The following XKR4 variants were observed in gnomAD, a reference collection of about 807,000 sequenced individuals.
XKR4 encodes XK-related protein 4.
In XKR4, 12 loss-of-function variants were observed where a neutral mutation model predicts 53.9. The observed-to-expected ratio is 0.22, with a 90% CI of 0.14 to 0.36. The LOEUF (loss-of-function observed/expected upper bound fraction) is 0.36, where lower values mean the gene tolerates loss of function less well. Among genes scored for constraint, XKR4 ranks in the 10% least tolerant of loss-of-function variants. XKR4 has a pLI of 1.00. For synonymous variants in XKR4, 354 were observed against 362.4 expected (o/e 0.98, Z 0.26); for missense variants, 799 against 859.5 (o/e 0.93, Z 0.88).
chr8:55,156,810 C>A (rs1448286408), intron 1 of XKR4, among the ~76,000 whole-genome samples: 1 of 152,210 alleles, frequency 6.6e-6, no homozygotes, highest in Non-Finnish European at 1.5e-5. Context: ...GACATGCCCC[C>A]TGGGCCAGCA....
intron 1 of XKR4, among the ~76,000 whole-genome samples, chr8:55,208,888 CA>C (rs1190718546): frequency 6.6e-6 from 1 of 152,134 alleles, no homozygotes; most frequent in African/African-American, 2.4e-5. Flanking sequence ...GGATCAGTCC[CA>C]AGCTAATAAG....
intron 2 of XKR4, among the ~76,000 whole-genome samples, chr8:55,427,003 G>C (rs1805025961): frequency 6.6e-6 from 1 of 152,154 alleles, no homozygotes; most frequent in Non-Finnish European, 1.5e-5. Context: ...TTATTTACCA[G>C]AATTTCCAGG....
At chr8:55,363,357 C>T (rs77317942) in intron 2 of XKR4, among the ~76,000 whole-genome samples, 13,664 of 152,104 alleles carry the variant, frequency 0.09, 1,669 homozygotes, top group African/African-American at 0.28. Context: ...CTGAATACTT[C>T]GTGAAAGGAA....
Position 55,322,636 on chromosome 8 carries a change from T to C in XKR4, c.807-35042T>C, listed in dbSNP as rs572320876. ...TCTTGCTCTATAATCTTACCAAACATGATATGGCCAGATATTTGTTTAAGT... is the reference window on the plus strand; with the variant it reads ...TCTTGCTCTATAATCTTACCAAACACGATATGGCCAGATATTTGTTTAAGT... On this transcript the variant is annotated intron_variant, in intron 1 of 2. Transcript: ENST00000327381. 6.6e-5 allele frequency among the ~76,000 whole-genome samples: 10 copies of C among 152,318 alleles called. No individual in the cohort carries two copies. In the South Asian group the frequency reaches 2.1e-3, roughly 32 times the overall value.
chr8:55,497,694 A>G (rs906271192), intron 2 of XKR4, among the ~76,000 whole-genome samples: 1 of 152,220 alleles, frequency 6.6e-6, no homozygotes, highest in African/African-American at 2.4e-5. Flanking sequence ...TGTGCAATGT[A>G]TATTTCTCCT....
chr8:55,526,109 A>G lies in XKR4; in HGVS notation c.*1882A>G, dbSNP rs1250378050. ...GTCTTAAACTTCCTTCCCTGGTTTTATATTAACCCAACTGATAGATTAAGT... is the reference window on the plus strand; with the variant it reads ...GTCTTAAACTTCCTTCCCTGGTTTTGTATTAACCCAACTGATAGATTAAGT... On this transcript the variant is annotated 3_prime_UTR_variant, in exon 3 of 3. Transcript: ENST00000327381. The G allele has an allele frequency of 6.6e-6, 1 of 152,670 alleles. No individual in the cohort carries two copies. Among genetic ancestry groups the G allele is most frequent in the Non-Finnish European group, 1.5e-5 (1 of 68,038 alleles). 9.5% of individuals were successfully genotyped at this position (152,670 alleles called of 1,614,324 possible).
chr8:55,211,486 C>T (rs1223288362), intron 1 of XKR4, among the ~76,000 whole-genome samples: 6 of 152,216 alleles, frequency 3.9e-5, no homozygotes, highest in African/African-American at 1.4e-4. Context: ...ATATTTCCAA[C>T]TCAAATTAGG....
intron 2 of XKR4, among the ~76,000 whole-genome samples, chr8:55,370,719 AAAG>A (rs1268155039): frequency 1.3e-5 from 2 of 152,160 alleles, no homozygotes; most frequent in Non-Finnish European, 2.9e-5. Context: ...TCAGGGTATA[AAAG>A]AAAGATGACA....
At chr8:55,185,019 G>A (rs1817357941) in intron 1 of XKR4, among the ~76,000 whole-genome samples, 1 of 152,096 alleles carries the variant, frequency 6.6e-6, no homozygotes, top group South Asian at 2.1e-4. Context: ...TATACCATTT[G>A]AGGTTCAGTT....
intron 2 of XKR4, among the ~76,000 whole-genome samples, chr8:55,488,660 C>CTGACAAGGATGAATAGATGGGA (rs1585602093): frequency 1.1e-4 from 7 of 62,028 alleles, no homozygotes; most frequent in East Asian, 6.8e-4. Context: ...CCAATGGTGG[C>CTGACAAGGATGAATAGATGGGA]CGGGCGCGGT....
Position 55,323,671 on chromosome 8 carries a change from T to C in XKR4, c.807-34007T>C, listed in dbSNP as rs1803250833. ...CTGTAAATGTGTATGTGCAGGTTTG[T>C]ATATAATTCTGTTTATTTCTCCTGT... On this transcript the variant is annotated intron_variant, in intron 1 of 2. Transcript: ENST00000327381. Among the ~76,000 whole-genome samples the C allele has an allele frequency of 2.6e-5, 4 of 152,364 alleles. No homozygotes were observed. The South Asian group carries it at 6.2e-4, about 24-fold the overall frequency.
intron 1 of XKR4, among the ~76,000 whole-genome samples, chr8:55,151,903 A>G (rs1394028008): frequency 6.6e-6 from 1 of 152,180 alleles, no homozygotes; most frequent in Non-Finnish European, 1.5e-5. Flanking sequence ...CATCGTCACT[A>G]TCTTTACTGT....
intron 1 of XKR4, among the ~76,000 whole-genome samples, chr8:55,259,021 G>A (rs1170452044): frequency 6.6e-6 from 1 of 152,204 alleles, no homozygotes; most frequent in African/African-American, 2.4e-5. Flanking sequence ...CTCAAGGCAG[G>A]GGAAGCTCAG....
rs113682660 is a variant in XKR4, at chr8:55,443,002, A to G, written c.1007-80279A>G. On this transcript the variant is annotated intron_variant, in intron 2 of 2. Coordinates refer to ENST00000327381, the MANE Select transcript of XKR4 (RefSeq NM_052898.2). ...GCCTAAATGTTCCATAATCACAAGA[A>G]CATTAATCACTACATTCAAATCTTT... Among the ~76,000 whole-genome samples, 590 of 152,330 alleles carry G rather than the reference A, an allele frequency of 3.9e-3. 4 individuals carry two copies. The highest frequency in any genetic ancestry group is 0.014 in the African/African-American group (566 of 41,560).
intron 1 of XKR4, chr8:55,142,127 A>G (rs953607146): frequency 3.7e-5 from 17 of 455,800 alleles, no homozygotes; most frequent in African/African-American, 1.4e-4. Flanking sequence ...CCCTACCTCC[A>G]TTCTTTCCCC....
chr8:55,302,247 T>C (rs1429771250), intron 1 of XKR4, among the ~76,000 whole-genome samples: 1 of 152,226 alleles, frequency 6.6e-6, no homozygotes, highest in Non-Finnish European at 1.5e-5. Context: ...ATTTATTAAA[T>C]AGGGAATCCT....
intron 1 of XKR4, among the ~76,000 whole-genome samples, chr8:55,203,881 C>T (rs562620699): frequency 6.4e-4 from 98 of 152,266 alleles, no homozygotes; most frequent in African/African-American, 2.3e-3. Flanking sequence ...TTGCAGGGCA[C>T]TATGGAGATA....
intron 2 of XKR4, among the ~76,000 whole-genome samples, chr8:55,407,488 T>C (rs769788271): frequency 2.0e-5 from 3 of 152,384 alleles, no homozygotes; most frequent in East Asian, 1.9e-4. Context: ...GCCGGAGTGA[T>C]GAACCTGTCT....
At chr8:55,259,178 C>T (rs995390353) in intron 1 of XKR4, among the ~76,000 whole-genome samples, 22 of 152,178 alleles carry the variant, frequency 1.4e-4, no homozygotes, top group African/African-American at 4.6e-4. Flanking sequence ...ATCCACTGCG[C>T]GGGGACGCAC....
Sources: allele counts gnomAD v4.1 joint callset (sites outside exome capture counted in the v4.1 genomes callset), GRCh38; gene constraint gnomAD v4.1.1; transcripts MANE v1.5; gene names NCBI Gene and HGNC (gene_info 2026-07-23, HGNC 2026-07-21).